Variants in BANP observed in about 807,000 individuals in gnomAD.
The protein encoded by BANP is protein BANP.
A neutral mutation model predicts 68.1 loss-of-function variants in BANP; 11 were observed. The observed-to-expected ratio is 0.16, with a 90% CI of 0.10 to 0.27. The LOEUF (loss-of-function observed/expected upper bound fraction) is 0.27. Among genes scored for constraint, BANP ranks in the 10% least tolerant of loss-of-function variants. The probability of loss-of-function intolerance (pLI) is 1.00; values close to 1 mark genes in which losing one functional copy is unlikely to be tolerated. For missense variants in BANP, 504 were observed against 722.7 expected (o/e 0.70, Z 3.47); for synonymous variants, 329 against 303.2 (o/e 1.09, Z -0.88).
At chr16:88,056,778 C>G (rs1272872426) in intron 11 of BANP, among the ~76,000 whole-genome samples, 1 of 152,166 alleles carries the variant, frequency 6.6e-6, no homozygotes, top group African/African-American at 2.4e-5. Flanking sequence ...TTATTCATTT[C>G]TTTTACCTGT....
At chr16:88,053,185 A>T (rs1166379562) in intron 11 of BANP, among the ~76,000 whole-genome samples, 1 of 151,558 alleles carries the variant, frequency 6.6e-6, no homozygotes, top group African/African-American at 2.4e-5. Context: ...CACTACCACC[A>T]CCACCTCCAC....
chr16:87,987,192 C>T (rs1464797805), intron 4 of BANP, among the ~76,000 whole-genome samples: 1 of 152,110 alleles, frequency 6.6e-6, no homozygotes, highest in African/African-American at 2.4e-5. Flanking sequence ...AATTCTCCTG[C>T]CTCATCCTCC....
chr16:87,958,487 C>G (rs1183143060), intron 1 of BANP, among the ~76,000 whole-genome samples: 1 of 152,202 alleles, frequency 6.6e-6, no homozygotes, highest in Admixed American at 6.5e-5. Flanking sequence ...TTATGCACAG[C>G]ATTTGACTGA....
intron 11 of BANP, among the ~76,000 whole-genome samples, chr16:88,049,936 A>T (rs556923041): frequency 3.5e-4 from 54 of 152,340 alleles, no homozygotes; most frequent in African/African-American, 1.3e-3. Flanking sequence ...GATTACATAC[A>T]GCATAGGAAA....
intron 4 of BANP, among the ~76,000 whole-genome samples, chr16:87,985,341 C>T (rs539792540): frequency 1.3e-5 from 2 of 152,296 alleles, no homozygotes; most frequent in Non-Finnish European, 2.9e-5. Context: ...AGCTGGGGAT[C>T]GTTCACGTGT....
At chr16:88,063,774 A>G (rs1313349629) in intron 11 of BANP, among the ~76,000 whole-genome samples, 1 of 152,242 alleles carries the variant, frequency 6.6e-6, no homozygotes, top group African/African-American at 2.4e-5. Flanking sequence ...GACTTCTCAC[A>G]TGATCTGTGC....
intron 2 of BANP, among the ~76,000 whole-genome samples, chr16:87,979,966 A>G (rs919601565): frequency 6.6e-6 from 1 of 152,120 alleles, no homozygotes; most frequent in African/African-American, 2.4e-5. Flanking sequence ...AAAACGATTA[A>G]TATTAACCCA....
chr16:87,980,990 A>G, intron 2 of BANP, 46 bp from the exon 3 acceptor site: 1 of 1,368,856 alleles, frequency 7.3e-7, no homozygotes, highest in Non-Finnish European at 1.0e-6. Context: ...ATAATTCTGT[A>G]AAACTTTTCA....
Position 88,006,218 on chromosome 16 carries a change from G to A in BANP, c.608G>A (p.Ser203Asn). Reference protein sequence around the residue: ...DSVSSCGQAGSQSIGSNVTLI... With the variant: ...DSVSSCGQAGNQSIGSNVTLI... Reference sequence around the variant, plus strand: ...GTGTCCAGCTGTGGGCAGGCGGGCAGTCAGAGCATCGGGAGCAACGTCACG... The same window carrying A: ...GTGTCCAGCTGTGGGCAGGCGGGCAATCAGAGCATCGGGAGCAACGTCACG... Residue 203 changes from serine to asparagine, a missense_variant, in exon 6 of 14, where the codon AGT becomes AAT. Physicochemically the swap from Ser to Asn is conservative, Grantham distance 46. Transcript: ENST00000682872. 1 of 1,613,122 alleles carries A rather than the reference G, an allele frequency of 6.2e-7. No homozygotes were observed. Among genetic ancestry groups the A allele is most frequent in the Non-Finnish European group, 8.5e-7 (1 of 1,179,572 alleles).
rs372454728 is a variant in BANP, at chr16:88,035,404, C to T, written c.1272+10C>T. 4 of 1,602,050 alleles carry T rather than the reference C, an allele frequency of 2.5e-6. No homozygotes were observed. The highest frequency in any genetic ancestry group is 3.4e-6 in the Non-Finnish European group (4 of 1,174,510). ...CACGCAGGACAGCGAGGTGAGTCAG[C>T]TCTCGCTGCAGCACTGTCCCTGCAG... On this transcript the variant is annotated intron_variant, in intron 10 of 13. Coordinates refer to ENST00000682872, the MANE Select transcript of BANP (RefSeq NM_001386991.1).
At chr16:88,026,686 G>A (rs1390834033) in intron 7 of BANP, among the ~76,000 whole-genome samples, 1 of 149,100 alleles carries the variant, frequency 6.7e-6, no homozygotes, top group Non-Finnish European at 1.5e-5. Flanking sequence ...TACATAACTT[G>A]AATTCTCCAA....
intron 13 of BANP, among the ~76,000 whole-genome samples, chr16:88,075,259 C>T (rs1027665655): frequency 3.3e-5 from 5 of 152,152 alleles, no homozygotes; most frequent in African/African-American, 9.7e-5. Flanking sequence ...GGCAGGAGAA[C>T]TGCTTGAACC....
chr16:88,007,497 G>A (rs1266450071), intron 6 of BANP, among the ~76,000 whole-genome samples: 4 of 152,254 alleles, frequency 2.6e-5, no homozygotes, highest in African/African-American at 9.6e-5. Flanking sequence ...GAGAGCCTCT[G>A]TGTGCCCTTC....
intron 12 of BANP, among the ~76,000 whole-genome samples, chr16:88,066,621 T>C (rs1175014899): frequency 6.6e-6 from 1 of 152,192 alleles, no homozygotes; most frequent in African/African-American, 2.4e-5. Context: ...CCTGGAAAAA[T>C]GTAGTTTTGA....
chr16:88,032,360 C>T (rs1002050084), intron 8 of BANP, among the ~76,000 whole-genome samples: 3 of 151,938 alleles, frequency 2.0e-5, no homozygotes, highest in African/African-American at 7.3e-5. Flanking sequence ...CACCACCACG[C>T]CTGTCTAATT....
At chr16:88,016,578 G>T (rs535161156) in intron 6 of BANP, among the ~76,000 whole-genome samples, 2 of 152,228 alleles carry the variant, frequency 1.3e-5, no homozygotes, top group East Asian at 1.9e-4. Context: ...TAGACCCAGC[G>T]CCAGGCCCTT....
At chr16:88,011,019 A>AT (rs1567743753) in intron 6 of BANP, among the ~76,000 whole-genome samples, 2 of 152,378 alleles carry the variant, frequency 1.3e-5, no homozygotes, top group East Asian at 3.9e-4. Context: ...TTGATCGCTA[A>AT]TAAGAGTAGG....
intron 11 of BANP, among the ~76,000 whole-genome samples, chr16:88,062,852 T>G (rs2087247770): frequency 6.6e-6 from 1 of 152,162 alleles, no homozygotes; most frequent in South Asian, 2.1e-4. Flanking sequence ...TGCATCAGAC[T>G]TGGGGTTCTT....
At chr16:87,976,474 GTT>G (rs59786663) in intron 2 of BANP, among the ~76,000 whole-genome samples, 8 of 95,962 alleles carry the variant, frequency 8.3e-5, no homozygotes, top group Admixed American at 3.4e-4. Context: ...GTTTTAAAAA[GTT>G]TTTTTTTTTT....
Sources: gnomAD v4.1 joint callset for allele counts (sites outside exome capture counted in the v4.1 genomes callset) on GRCh38, gnomAD v4.1.1 for gene constraint, MANE v1.5 for transcripts, NCBI Gene and HGNC (gene_info 2026-07-23, HGNC 2026-07-21) for gene names.